Variants in MARCHF7 observed in about 807,000 individuals in gnomAD.
The protein encoded by MARCHF7 is membrane associated ring-CH-type finger 7.
Under a neutral mutation model 76.5 loss-of-function variants are expected in MARCHF7, and 20 were observed. The observed-to-expected ratio is 0.26, with a 90% CI of 0.18 to 0.38. The LOEUF is 0.38. MARCHF7 is among the 10% of genes least tolerant of loss of function. MARCHF7 has a pLI of 1.00. For missense variants in MARCHF7, 797 were observed against 812.9 expected, an observed-to-expected ratio of 0.98 and a Z score of 0.24; for synonymous variants, 295 against 293.0, an observed-to-expected ratio of 1.01 and a Z score of -0.07.
intron 4 of MARCHF7, among the ~76,000 whole-genome samples, chr2:159,731,828 G>A (rs2125427718): frequency 6.6e-6 from 1 of 151,932 alleles, no homozygotes; most frequent in Middle Eastern, 3.4e-3. Flanking sequence ...ATTTCAGCCG[G>A]GCACAGTGGC....
intron 3 of MARCHF7, among the ~76,000 whole-genome samples, chr2:159,717,427 T>C (rs1304914622): frequency 6.6e-6 from 1 of 152,180 alleles, no homozygotes; most frequent in Admixed American, 6.5e-5. Flanking sequence ...TTAGGGAGGT[T>C]GAATGTGGAT....
chr2:159,765,735 T>C (rs1707691757), intron 11 of MARCHF7, among the ~76,000 whole-genome samples: 1 of 152,102 alleles, frequency 6.6e-6, no homozygotes, highest in Non-Finnish European at 1.5e-5. Flanking sequence ...TCATTGTCTA[T>C]ACTACTTTCA....
intron 3 of MARCHF7, among the ~76,000 whole-genome samples, chr2:159,721,367 T>C (rs751429857): frequency 3.9e-5 from 6 of 152,314 alleles, no homozygotes; most frequent in South Asian, 2.1e-4. Context: ...TTGTGAGATA[T>C]AGACAGACTA....
intron 11 of MARCHF7, among the ~76,000 whole-genome samples, chr2:159,766,318 G>C (rs1560032640): frequency 6.6e-6 from 1 of 152,154 alleles, no homozygotes; most frequent in Non-Finnish European, 1.5e-5. Context: ...TCATGACTTA[G>C]TTATATGCTT....
At chr2:159,734,642 A>C (rs1703233799) in intron 4 of MARCHF7, among the ~76,000 whole-genome samples, 1 of 152,082 alleles carries the variant, frequency 6.6e-6, no homozygotes, top group Admixed American at 6.6e-5. Context: ...AGAAAATTGC[A>C]GGAAAACACA....
intron 10 of MARCHF7, among the ~76,000 whole-genome samples, chr2:159,764,251 T>TGCGCGC (rs1223615270): frequency 5.6e-5 from 7 of 124,654 alleles, no homozygotes; most frequent in African/African-American, 2.0e-4. Context: ...TGTGTGTGTG[T>TGCGCGC]GTGTGCGCGC....
intron 8 of MARCHF7, among the ~76,000 whole-genome samples, chr2:159,755,994 T>G (rs1472346753): frequency 6.6e-6 from 1 of 152,170 alleles, no homozygotes; most frequent in Non-Finnish European, 1.5e-5. Flanking sequence ...GAACAAGCTG[T>G]CTCACCTGGA....
At chr2:159,752,625 A>G (rs1705788773) in intron 8 of MARCHF7, 54 bp downstream of exon 8, 1 of 1,361,814 alleles carries the variant, frequency 7.3e-7, no homozygotes, top group African/African-American at 1.5e-5. Flanking sequence ...GCATGTATGT[A>G]TGCGTTTGGT....
chr2:159,763,700 C>T (rs1045157028), intron 10 of MARCHF7, among the ~76,000 whole-genome samples: 6 of 152,164 alleles, frequency 3.9e-5, no homozygotes, highest in Admixed American at 3.9e-4. Context: ...AACTTTCTTA[C>T]ATGTTAACTT....
At chr2:159,760,733 G>GT (rs1481946991) in intron 9 of MARCHF7, among the ~76,000 whole-genome samples, 2 of 141,806 alleles carry the variant, frequency 1.4e-5, no homozygotes, top group Non-Finnish European at 3.1e-5. Flanking sequence ...TTTTGTTTTT[G>GT]TTTTTTGTTT....
At chr2:159,737,851 A>T (rs1001193000) in intron 4 of MARCHF7, among the ~76,000 whole-genome samples, 2 of 152,194 alleles carry the variant, frequency 1.3e-5, no homozygotes, top group African/African-American at 4.8e-5. Flanking sequence ...TGGAACCTTC[A>T]TACATAGTTG....
chr2:159,749,762 C>T (rs571844381), intron 7 of MARCHF7, among the ~76,000 whole-genome samples: 2 of 152,012 alleles, frequency 1.3e-5, no homozygotes, highest in African/African-American at 4.8e-5. Flanking sequence ...TGAATTGTGT[C>T]AGAAAGTAAA....
chr2:159,742,258 T>C (rs1271294858), intron 4 of MARCHF7, among the ~76,000 whole-genome samples: 2 of 152,110 alleles, frequency 1.3e-5, no homozygotes, highest in Non-Finnish European at 2.9e-5. Flanking sequence ...TTTTTTTTTT[T>C]TGTTTTTTAG....
Position 159,764,255 on chromosome 2 carries a change from T to TGTGC in MARCHF7, c.2008-370_2008-369insTGCG, listed in dbSNP as rs10592175. 6.0e-3 allele frequency among the ~76,000 whole-genome samples: 791 copies of TGTGC among 131,410 alleles called. 1 individual carries two copies. The highest frequency in any genetic ancestry group is 0.027 in the South Asian group (112 of 4,140). The allele number at this position is 131,410 out of a possible 152,430, so 86.2% of individuals were successfully genotyped here. On this transcript the variant is annotated intron_variant, in intron 10 of 11. Transcript: ENST00000409175. Reference sequence around the variant, plus strand: ...GTGTGTGTGTGTGTGTGTGTGTGTGTGCGCGCGCCCACTGAAACTGAATTT... The same window carrying TGTGC: ...GTGTGTGTGTGTGTGTGTGTGTGTGTGTGCGCGCGCGCCCACTGAAACTGAATTT...
intron 4 of MARCHF7, among the ~76,000 whole-genome samples, chr2:159,730,022 T>C (rs1702595138): frequency 6.6e-6 from 1 of 152,230 alleles, no homozygotes; most frequent in Non-Finnish European, 1.5e-5. Flanking sequence ...TGAGTTTGTA[T>C]TGGTATGTCC....
intron 9 of MARCHF7, 85 bp from the exon 10 acceptor site, chr2:159,762,795 C>G: frequency 1.6e-6 from 1 of 637,682 alleles, no homozygotes; most frequent in Non-Finnish European, 2.7e-6. Context: ...TCTAGTTTAT[C>G]AGTGTACTGT....
intron 4 of MARCHF7, among the ~76,000 whole-genome samples, chr2:159,736,578 A>G (rs1311987368): frequency 1.3e-5 from 2 of 152,084 alleles, no homozygotes; most frequent in Non-Finnish European, 1.5e-5. Context: ...TTTTAATTGC[A>G]TTGTTTTAAG....
intron 1 of MARCHF7, among the ~76,000 whole-genome samples, chr2:159,713,014 C>T (rs949418819): frequency 1.2e-4 from 19 of 152,184 alleles, no homozygotes; most frequent in African/African-American, 4.6e-4. Context: ...CTGCGGGCCG[C>T]GGGTGTCGCG....
chr2:159,753,360 A>G (rs981634202), intron 8 of MARCHF7, among the ~76,000 whole-genome samples: 77 of 152,118 alleles, frequency 5.1e-4, no homozygotes, highest in African/African-American at 1.8e-3. Flanking sequence ...TCACGAGGTC[A>G]GGAGATCGAG....
Sources: allele counts gnomAD v4.1 joint callset (sites outside exome capture counted in the v4.1 genomes callset), GRCh38; gene constraint gnomAD v4.1.1; transcripts MANE v1.5; gene names NCBI Gene and HGNC (gene_info 2026-07-23, HGNC 2026-07-21).